CPED1: variants seen among roughly 807,000 people sequenced by gnomAD.
The protein encoded by CPED1 is cadherin-like and PC-esterase domain-containing protein 1.
CPED1 carries 114 observed loss-of-function variants against 128.2 expected under a neutral mutation model. The ratio of observed to expected loss-of-function variants is 0.89; its 90% CI spans 0.76 to 1.04. The LOEUF is 1.04. CPED1 is among the 50% of genes least tolerant of loss of function. The pLI is 0.00. For missense variants in CPED1, 1,211 were observed against 1,207.1 expected, an observed-to-expected ratio of 1.00 and a Z score of -0.05; for synonymous variants, 462 against 426.7, an observed-to-expected ratio of 1.08 and a Z score of -1.02.
intron 3 of CPED1, among the ~76,000 whole-genome samples, chr7:121,024,931 C>T (rs930730671): frequency 9.9e-5 from 15 of 152,156 alleles, no homozygotes; most frequent in African/African-American, 1.2e-4. Context: ...GTGTTTGCTA[C>T]GCCAATGCAT....
chr7:120,997,927 A>AAAAATAAAATAAAATAAAAT (rs139357762), intron 2 of CPED1, among the ~76,000 whole-genome samples: 3 of 130,842 alleles, frequency 2.3e-5, no homozygotes, highest in African/African-American at 9.0e-5. Context: ...GGTCTCGAAA[A>AAAAATAAAATAAAATAAAAT]AAAATAAAAT....
chr7:121,102,102 C>A (rs1291032692), intron 7 of CPED1, among the ~76,000 whole-genome samples: 1 of 152,052 alleles, frequency 6.6e-6, no homozygotes, highest in East Asian at 1.9e-4. Context: ...TTTTTATTTA[C>A]TTCTGATATT....
At position 121,074,509 on chromosome 7, in the gene CPED1, G is replaced by GTTTTTTTTTTTTTTTTTTTTT. The variant is rs1157885862; in HGVS notation, c.616+10214_616+10215insTTTTTTTTTTTTTTTTTTTTT. On this transcript the variant is annotated intron_variant, in intron 5 of 22. Coordinates refer to ENST00000310396, the MANE Select transcript of CPED1 (RefSeq NM_024913.5). The stretch of plus-strand genomic sequence containing the variant: ...TTCCTTACTAATAAATTTCCTTTGT[G>GTTTTTTTTTTTTTTTTTTTTT]TTTTTTTTTTTTTTTTTTGAGGGCA... 6.2e-4 allele frequency among the ~76,000 whole-genome samples: 50 copies of GTTTTTTTTTTTTTTTTTTTTT among 80,824 alleles called. 5 individuals are homozygous for GTTTTTTTTTTTTTTTTTTTTT. The highest frequency in any genetic ancestry group is 2.1e-3 in the African/African-American group (47 of 22,008). 53.0% of individuals were successfully genotyped at this position (80,824 alleles called of 152,430 possible). A position where few individuals can be genotyped will look rare whatever the true frequency, so the allele number is the denominator to read the frequency against.
chr7:121,194,045 TA>T (rs1302655340), intron 16 of CPED1, among the ~76,000 whole-genome samples: 2,395 of 79,282 alleles, frequency 0.03, 54 homozygotes, highest in Non-Finnish European at 0.034. Flanking sequence ...TATATATATA[TA>T]TATTTTTTTT....
intron 4 of CPED1, among the ~76,000 whole-genome samples, chr7:121,055,853 G>A (rs62470957): frequency 0.04 from 6,126 of 151,626 alleles, 236 homozygotes; most frequent in African/African-American, 0.083. Flanking sequence ...CTTGTTTCCT[G>A]GATATTTCAA....
intron 2 of CPED1, among the ~76,000 whole-genome samples, chr7:120,997,939 AAAT>A (rs1310105820): frequency 1.2e-4 from 16 of 130,338 alleles, no homozygotes; most frequent in African/African-American, 4.2e-4. Flanking sequence ...AAATAAAATA[AAAT>A]AAAATAAAAT....
chr7:121,130,608 A>G (rs1795638431), intron 12 of CPED1, among the ~76,000 whole-genome samples: 1 of 152,102 alleles, frequency 6.6e-6, no homozygotes, highest in South Asian at 2.1e-4. Context: ...GGTATCAGAC[A>G]GAAGTAATTA....
chr7:121,148,924 A>G (rs1023224892), intron 16 of CPED1, among the ~76,000 whole-genome samples: 6 of 152,168 alleles, frequency 3.9e-5, no homozygotes, highest in African/African-American at 1.4e-4. Flanking sequence ...GGCCCCTAAA[A>G]TATCACATGC....
intron 16 of CPED1, among the ~76,000 whole-genome samples, chr7:121,230,267 TA>T (rs1798106842): frequency 6.6e-6 from 1 of 151,988 alleles, no homozygotes; most frequent in African/African-American, 2.4e-5. Context: ...GATTGGCTGC[TA>T]GGGGCAATGA....
At chr7:121,154,851 G>A (rs1796249639) in intron 16 of CPED1, among the ~76,000 whole-genome samples, 1 of 152,148 alleles carries the variant, frequency 6.6e-6, no homozygotes, top group Non-Finnish European at 1.5e-5. Context: ...GCCTAGAGAT[G>A]TTGAATTTTA....
chr7:121,261,596 T>C, intron 18 of CPED1: 8 of 1,598,202 alleles, frequency 5.0e-6, no homozygotes, highest in Non-Finnish European at 6.8e-6. Context: ...CGCTGGCCCA[T>C]AGAAAACCTG....
chr7:121,129,299 ATATATATATATACG>A lies in CPED1; in HGVS notation c.1408-813_1408-800del, dbSNP rs1234094830. Among the ~76,000 whole-genome samples, 25 of 6,340 alleles carry A rather than the reference ATATATATATATACG, an allele frequency of 3.9e-3. 1 individual carries two copies. The highest frequency in any genetic ancestry group is 8.9e-3 in the South Asian group (1 of 112). 4.2% of individuals were successfully genotyped at this position (6,340 alleles called of 152,430 possible). A position where few individuals can be genotyped will look rare whatever the true frequency, so the allele number is the denominator to read the frequency against. ...TGTGTGTATATATGTATATATATAT[ATATATATATATACG>A]TATATATATATATATATATATACGT... On this transcript the variant is annotated intron_variant, in intron 11 of 22. Transcript: ENST00000310396.
intron 16 of CPED1, among the ~76,000 whole-genome samples, chr7:121,229,604 C>T (rs1798092750): frequency 6.6e-6 from 1 of 151,912 alleles, no homozygotes; most frequent in Non-Finnish European, 1.5e-5. Flanking sequence ...ATATGGCACC[C>T]AGGAAACTTC....
intron 16 of CPED1, among the ~76,000 whole-genome samples, chr7:121,193,549 A>G (rs1797195307): frequency 6.6e-6 from 1 of 152,120 alleles, no homozygotes; most frequent in African/African-American, 2.4e-5. Flanking sequence ...ATCATCTGAA[A>G]ATTTCAGCAA....
chr7:121,035,084 T>G (rs1792851106), intron 3 of CPED1, among the ~76,000 whole-genome samples: 1 of 152,036 alleles, frequency 6.6e-6, no homozygotes, highest in Non-Finnish European at 1.5e-5. Flanking sequence ...TTGTAAGAGC[T>G]TGGAGTTTCA....
chr7:121,254,375 T>C (rs1197480888), intron 18 of CPED1, among the ~76,000 whole-genome samples: 8 of 151,900 alleles, frequency 5.3e-5, no homozygotes, highest in Admixed American at 1.3e-4. Context: ...AAATAGCAAC[T>C]CAATTACCAA....
At chr7:121,206,054 C>G (rs142415072) in intron 16 of CPED1, among the ~76,000 whole-genome samples, 7 of 152,116 alleles carry the variant, frequency 4.6e-5, no homozygotes, top group African/African-American at 1.4e-4. Flanking sequence ...GTACAGGCAA[C>G]AGTAACCTCC....
At chr7:121,072,635 A>G (rs1299092373) in intron 5 of CPED1, among the ~76,000 whole-genome samples, 2 of 152,182 alleles carry the variant, frequency 1.3e-5, no homozygotes, top group African/African-American at 4.8e-5. Flanking sequence ...TTTTCCAGTC[A>G]TTAGTTGAGA....
At chr7:121,134,943 A>G (rs1795752746) in intron 13 of CPED1, among the ~76,000 whole-genome samples, 1 of 152,042 alleles carries the variant, frequency 6.6e-6, no homozygotes, top group South Asian at 2.1e-4. Context: ...TTATCAACAA[A>G]TTAAAAAAAT....
Sources: gnomAD v4.1 joint callset for allele counts (sites outside exome capture counted in the v4.1 genomes callset) on GRCh38, gnomAD v4.1.1 for gene constraint, MANE v1.5 for transcripts, NCBI Gene and HGNC (gene_info 2026-07-23, HGNC 2026-07-21) for gene names.